Variants in SLC20A1 observed in about 807,000 individuals in gnomAD.
The protein encoded by SLC20A1 is sodium-dependent phosphate transporter 1.
Under a neutral mutation model 62.7 loss-of-function variants are expected in SLC20A1, and 28 were observed. That is an observed-to-expected ratio of 0.45 (90% CI 0.33 to 0.61). The LOEUF (loss-of-function observed/expected upper bound fraction) is 0.61. SLC20A1 is among the 20% of genes least tolerant of loss of function. SLC20A1 has a pLI of 0.02. For synonymous variants in SLC20A1, 305 were observed against 302.9 expected (o/e 1.01, Z -0.07); for missense variants, 673 against 838.6 (o/e 0.80, Z 2.44).
At position 112,658,816 on chromosome 2, in the gene SLC20A1, T is replaced by A. The variant is rs775814414; in HGVS notation, c.779-9T>A. 1 of 1,583,586 alleles carries A rather than the reference T, an allele frequency of 6.3e-7. No homozygotes were observed. Among genetic ancestry groups the A allele is most frequent in the African/African-American group, 1.4e-5 (1 of 73,366 alleles). ...CCAAACCAAAAAAGACCCCCCTTTT[T>A]TTTCCTAGGAGAAATAAAGTGTAGT... On this transcript the variant is annotated splice_polypyrimidine_tract_variant and intron_variant, in intron 6 of 10. Coordinates refer to ENST00000272542, the MANE Select transcript of SLC20A1 (RefSeq NM_005415.5).
Position 112,647,312 on chromosome 2 carries a change from A to G in SLC20A1, c.335-12A>G. 6.2e-7 allele frequency: 1 copy of G among 1,609,642 alleles called. No individual in the cohort carries two copies. Among genetic ancestry groups the G allele is most frequent in the East Asian group, 2.2e-5 (1 of 44,842 alleles). On this transcript the variant is annotated splice_polypyrimidine_tract_variant and intron_variant, in intron 2 of 10. Coordinates refer to ENST00000272542, the MANE Select transcript of SLC20A1 (RefSeq NM_005415.5). ...TTTGATATTTACTTAATAAAACTTT[A>G]CTATGTTTCAGGTTCTGCTGTGTGG...
At chr2:112,651,423 A>C (rs1369900853) in intron 4 of SLC20A1, among the ~76,000 whole-genome samples, 1 of 149,058 alleles carries the variant, frequency 6.7e-6, no homozygotes, top group East Asian at 1.9e-4. Flanking sequence ...TTTTTTTCTG[A>C]GATGGAGTCT....
chr2:112,647,646 A>G lies in SLC20A1; in HGVS notation c.476-7A>G. ...TTGATATTTTTTCTTAATGTGTTCT[A>G]TTCCAGTGATGTCTTGGTTCGTGTC... On this transcript the variant is annotated splice_region_variant and splice_polypyrimidine_tract_variant and intron_variant, in intron 3 of 10. Coordinates refer to ENST00000272542, the MANE Select transcript of SLC20A1 (RefSeq NM_005415.5). The G allele has an allele frequency of 6.2e-7, 1 of 1,610,820 alleles. No homozygotes were observed. The highest frequency in any genetic ancestry group is 8.5e-7 in the Non-Finnish European group (1 of 1,177,018).
chr2:112,648,626 T>A (rs1322843949), intron 4 of SLC20A1, among the ~76,000 whole-genome samples: 1 of 152,264 alleles, frequency 6.6e-6, no homozygotes, highest in Non-Finnish European at 1.5e-5. Context: ...GATTTGTCTC[T>A]TCTCTGTAGA....
chr2:112,649,101 C>G (rs566915477), intron 4 of SLC20A1, among the ~76,000 whole-genome samples: 1 of 152,354 alleles, frequency 6.6e-6, no homozygotes, highest in African/African-American at 2.4e-5. Flanking sequence ...CCACAAAACA[C>G]TTATTCCCCG....
Position 112,647,352 on chromosome 2 carries a change from G to T in SLC20A1, c.363G>T (p.Ser121=). 6.2e-7 allele frequency: 1 copy of T among 1,613,762 alleles called. No homozygotes were observed. Among genetic ancestry groups the T allele is most frequent in the Non-Finnish European group, 8.5e-7 (1 of 1,179,920 alleles). ...CTGCTGTGTGGCAACTCGTGGCTTCGTTTTTGAAGCTCCCTATTTCTGGAA... is the reference window on the plus strand; with the variant it reads ...CTGCTGTGTGGCAACTCGTGGCTTCTTTTTTGAAGCTCCCTATTTCTGGAA... The part of the protein sequence containing the change: ...FGSAVWQLVA[S]FLKLPISGTH... Residue 121 remains serine (S), a synonymous_variant, in exon 3 of 11, where the codon TCG becomes TCT. Coordinates refer to ENST00000272542, the MANE Select transcript of SLC20A1 (RefSeq NM_005415.5).
chr2:112,649,270 G>A (rs1686365041), intron 4 of SLC20A1, among the ~76,000 whole-genome samples: 1 of 152,154 alleles, frequency 6.6e-6, no homozygotes, highest in East Asian at 1.9e-4. Flanking sequence ...TATGGGAATG[G>A]GCATGATCAA....
rs191761952 is a variant in SLC20A1, at chr2:112,647,441, A to G, written c.452A>G (p.Lys151Arg). The G allele has an allele frequency of 1.2e-5, 19 of 1,614,086 alleles. No homozygotes were observed. The Middle Eastern group carries it at 6.6e-4, about 56-fold the overall frequency. ...GTGGCAAAGGGGCAGGAGGGTGTCA[A>G]GTGGTCTGAACTGATAAAAATTGGT... Reference protein sequence around the residue: ...SLVAKGQEGVKWSELIKIVMS... With the variant: ...SLVAKGQEGVRWSELIKIVMS... Residue 151 changes from lysine (K) to arginine (R), a missense_variant, in exon 3 of 11, where the codon AAG (lysine) becomes AGG (arginine). Transcript: ENST00000272542.
At chr2:112,657,979 G>GT (rs1686641923) in intron 6 of SLC20A1, among the ~76,000 whole-genome samples, 1 of 152,212 alleles carries the variant, frequency 6.6e-6, no homozygotes, top group Non-Finnish European at 1.5e-5. Flanking sequence ...GCAAGTTGAA[G>GT]TTTATCGTTT....
chr2:112,663,244 C>G lies in SLC20A1; in HGVS notation c.*219C>G. 1 of 623,548 alleles carries G rather than the reference C, an allele frequency of 1.6e-6. No individual in the cohort carries two copies. The allele number at this position is 623,548 out of a possible 1,614,324, so 38.6% of individuals were successfully genotyped here. On this transcript the variant is annotated 3_prime_UTR_variant, in exon 11 of 11. Transcript: ENST00000272542. ...ATAGCCCGGGTTCCACTGGCTCCTG[C>G]TGAGGTCCCCTTTCCTTCTGGGCTG...
At chr2:112,652,634 A>T in intron 4 of SLC20A1, 68 bp from the exon 5 acceptor site, 1 of 1,297,702 alleles carries the variant, frequency 7.7e-7, no homozygotes, top group Non-Finnish European at 1.1e-6. Flanking sequence ...CTACCCTGTT[A>T]AAAGATTCTG....
Position 112,658,819 on chromosome 2 carries a change from TCCTAGGAGAA to T in SLC20A1, c.779-5_783del. The stretch of plus-strand genomic sequence containing the variant: ...AACCAAAAAAGACCCCCCTTTTTTT[TCCTAGGAGAA>T]ATAAAGTGTAGTCCTTCTGAAAGCC... On this transcript the variant is annotated splice_acceptor_variant and splice_polypyrimidine_tract_variant and coding_sequence_variant and intron_variant, in exon 7 of 11. Coordinates refer to ENST00000272542, the MANE Select transcript of SLC20A1 (RefSeq NM_005415.5). LOFTEE classifies it high-confidence loss of function. 6.3e-7 allele frequency: 1 copy of T among 1,588,072 alleles called. No homozygotes were observed.
At chr2:112,660,288 C>A in intron 8 of SLC20A1, 99 bp from the exon 9 acceptor site, 1 of 1,042,198 alleles carries the variant, frequency 9.6e-7, no homozygotes, top group Non-Finnish European at 1.4e-6. Context: ...AGCTTGAAAG[C>A]TGTACTTTAG....
rs191560216 is a variant in SLC20A1 at position 112,658,643 on chromosome 2, G to A, written c.779-182G>A. On this transcript the variant is annotated intron_variant, in intron 6 of 10. Transcript: ENST00000272542. ...CATAGGGTGTTCTGCATTGCTGGTT[G>A]TTCCCAAGTGAGAGTTGCTGGCAAA... 2,455 of 683,172 alleles carry A rather than the reference G, an allele frequency of 3.6e-3. 14 individuals carry two copies. Among genetic ancestry groups the A allele is most frequent in the Non-Finnish European group, 4.6e-3 (1,959 of 426,974 alleles). 42.3% of individuals were successfully genotyped at this position (683,172 alleles called of 1,614,324 possible).
Position 112,647,370 on chromosome 2 carries a change from T to G in SLC20A1, c.381T>G (p.Ile127Met). The G allele has an allele frequency of 6.2e-7, 1 of 1,614,166 alleles. No homozygotes were observed. The highest frequency in any genetic ancestry group is 8.5e-7 in the Non-Finnish European group (1 of 1,180,000). ...QLVASFLKLP[I>M]SGTHCIVGAT... The stretch of plus-strand genomic sequence containing the variant: ...TGGCTTCGTTTTTGAAGCTCCCTAT[T>G]TCTGGAACCCATTGTATTGTTGGTG... Residue 127 changes from isoleucine (I) to methionine (M), a missense_variant, in exon 3 of 11, where the codon ATT (isoleucine) becomes ATG (methionine). Physicochemically the swap from Ile to Met is conservative, Grantham distance 10. Transcript: ENST00000272542.
intron 9 of SLC20A1, 195 bp downstream of exon 9, chr2:112,660,767 C>T (rs967623236): frequency 1.8e-6 from 1 of 553,804 alleles, no homozygotes; most frequent in Non-Finnish European, 3.1e-6. Flanking sequence ...CCATTTAGCT[C>T]TGGTGGTCTC....
Position 112,647,811 on chromosome 2 carries a change from G to A in SLC20A1, c.561+73G>A, listed in dbSNP as rs537124050. The stretch of plus-strand genomic sequence containing the variant: ...CGATTTCAAACCCAGTGGTACTTTT[G>A]CAGATGTGATTGGTGTATAGGTATG... On this transcript the variant is annotated intron_variant, in intron 4 of 10. Coordinates refer to ENST00000272542, the MANE Select transcript of SLC20A1 (RefSeq NM_005415.5). The A allele has an allele frequency of 1.5e-3, 1,888 of 1,234,188 alleles. 4 individuals are homozygous for A. The highest frequency in any genetic ancestry group is 2.0e-3 in the Non-Finnish European group (1,678 of 834,654). 76.5% of individuals were successfully genotyped at this position (1,234,188 alleles called of 1,614,324 possible). A position where few individuals can be genotyped will look rare whatever the true frequency, so the allele number is the denominator to read the frequency against.
At chr2:112,656,326 A>C (rs1160996860) in intron 5 of SLC20A1, among the ~76,000 whole-genome samples, 1 of 150,566 alleles carries the variant, frequency 6.6e-6, no homozygotes, top group African/African-American at 2.4e-5. Flanking sequence ...CCTCCCGAGT[A>C]GCTGGGACTA....
Position 112,661,184 on chromosome 2 carries a change from T to A in SLC20A1, c.1836T>A (p.Ile612=). 1 of 1,614,092 alleles carries A rather than the reference T, an allele frequency of 6.2e-7. No individual in the cohort carries two copies. The highest frequency in any genetic ancestry group is 8.5e-7 in the Non-Finnish European group (1 of 1,179,946). Residue 612 remains isoleucine, a synonymous_variant, in exon 10 of 11, where the codon ATT becomes ATA. Transcript: ENST00000272542. ...IELASALTVV[I]ASNIGLPIST... ...TGGCATCTGCCCTCACTGTGGTGAT[T>A]GCATCAAATATTGGCCTTCCCATCA... is the stretch of plus-strand genomic sequence containing the variant.
Sources: allele counts gnomAD v4.1 joint callset (sites outside exome capture counted in the v4.1 genomes callset), GRCh38; gene constraint gnomAD v4.1.1; transcripts MANE v1.5; gene names NCBI Gene and HGNC (gene_info 2026-07-23, HGNC 2026-07-21).